Variants in AOX1 observed in about 807,000 individuals in gnomAD.
The protein encoded by AOX1 is aldehyde oxidase 1.
In AOX1, 153 loss-of-function variants were observed where a neutral mutation model predicts 169.5. That is an observed-to-expected ratio of 0.90 (90% confidence interval 0.79 to 1.03). The LOEUF (loss-of-function observed/expected upper bound fraction) is 1.03, where lower values mean the gene tolerates loss of function less well. AOX1 is among the 50% of genes least tolerant of loss of function. The pLI is 0.00. For synonymous variants in AOX1, 562 were observed against 581.9 expected (o/e 0.97, Z 0.49); for missense variants, 1,656 against 1,663.9 (o/e 1.00, Z 0.08).
intron 21 of AOX1, 101 bp downstream of exon 21, chr2:200,635,016 G>T: frequency 6.8e-7 from 1 of 1,462,694 alleles, no homozygotes; most frequent in Admixed American, 2.0e-5. Flanking sequence ...GGAATTTGAG[G>T]TGGGGGGATT....
chr2:200,586,356 T>C (rs2034030725), intron 1 of AOX1, among the ~76,000 whole-genome samples: 1 of 152,232 alleles, frequency 6.6e-6, no homozygotes, highest in South Asian at 2.1e-4. Context: ...TCAGGGACTG[T>C]CCTGGATCTT....
chr2:200,620,849 A>G (rs4672865), intron 17 of AOX1, 30 bp downstream of exon 17: 499,022 of 1,575,796 alleles, frequency 0.32, 81,115 homozygotes, highest in East Asian at 0.38. Flanking sequence ...CTCAATGGGC[A>G]TAAATGATTG....
chr2:200,627,489 C>G lies in AOX1; in HGVS notation c.2221+40C>G, dbSNP rs758160933. On this transcript the variant is annotated intron_variant, in intron 20 of 34. Transcript: ENST00000374700. The stretch of plus-strand genomic sequence containing the variant: ...AAGAGTAAACAACCCTGGAAGTCTT[C>G]TAAGCATGTCAGTTTAAGGCTTCCT... 3 of 1,420,484 alleles carry G rather than the reference C, an allele frequency of 2.1e-6. No individual in the cohort carries two copies. The South Asian group carries it at 3.5e-5, about 17-fold the overall frequency. The allele number at this position is 1,420,484 out of a possible 1,614,324, so 88.0% of individuals were successfully genotyped here.
intron 15 of AOX1, among the ~76,000 whole-genome samples, chr2:200,615,577 C>A (rs1203992201): frequency 6.6e-6 from 1 of 152,154 alleles, no homozygotes; most frequent in Non-Finnish European, 1.5e-5. Context: ...CAATGGTGTA[C>A]TTTGACTCTG....
rs1559259249 is a variant in AOX1, at chr2:200,659,146, A to G, written c.3172-19A>G. 1 of 1,611,900 alleles carries G rather than the reference A, an allele frequency of 6.2e-7. No individual in the cohort carries two copies. Among genetic ancestry groups the G allele is most frequent in the Admixed American group, 1.7e-5 (1 of 59,836 alleles). ...GACTAATCAAAGTGTTTAAAAGGAA[A>G]CTCTCTCTTAAAATTCAGGTGGTCA... On this transcript the variant is annotated intron_variant, in intron 27 of 34. Coordinates refer to ENST00000374700, the MANE Select transcript of AOX1 (RefSeq NM_001159.4).
intron 18 of AOX1, 34 bp from the exon 19 acceptor site, chr2:200,623,827 C>G (rs766876392): frequency 2.5e-6 from 4 of 1,612,256 alleles, no homozygotes; most frequent in Non-Finnish European, 3.4e-6. Context: ...TGATGCCTGC[C>G]CTCCTTGACA....
At chr2:200,657,190 A>ATATATATTTTTTTTTT in intron 27 of AOX1, among the ~76,000 whole-genome samples, 63 of 62,834 alleles carry the variant, frequency 1.0e-3, no homozygotes, top group African/African-American at 4.6e-3. Flanking sequence ...ATATATATAT[A>ATATATATTTTTTTTTT]TTTTTTTTTT....
chr2:200,603,236 A>C (rs2034450510), intron 6 of AOX1, 31 bp from the exon 7 acceptor site: 2 of 1,569,654 alleles, frequency 1.3e-6, no homozygotes, highest in South Asian at 2.2e-5. Context: ...ATCAGCAATA[A>C]ATTCCTAGTG....
rs187382776 is a variant in AOX1 at position 200,634,932 on chromosome 2, G to A, written c.2346+17G>A. On this transcript the variant is annotated intron_variant, in intron 21 of 34. Transcript: ENST00000374700. ...TATATACAGGTAACATGGGGCCATT[G>A]TGGAGAGGACATGGCTAAATGATTT... 6.7e-4 allele frequency: 1,074 copies of A among 1,613,426 alleles called. 3 individuals are homozygous for A. Among genetic ancestry groups the A allele is most frequent in the East Asian group, 3.7e-3 (167 of 44,862 alleles).
chr2:200,605,528 T>C lies in AOX1; in HGVS notation c.815-8T>C. 2 of 1,450,952 alleles carry C rather than the reference T, an allele frequency of 1.4e-6. No individual in the cohort carries two copies. The highest frequency in any genetic ancestry group is 2.4e-5 in the East Asian group (1 of 41,472). The allele number at this position is 1,450,952 out of a possible 1,614,324, so 89.9% of individuals were successfully genotyped here. ...CTTATTGATTTTTTTTTTTTTTTGA[T>C]CCTTTAGGGCCTGAAGTGAAATTTA... On this transcript the variant is annotated splice_polypyrimidine_tract_variant and splice_region_variant and intron_variant, in intron 9 of 34. Transcript: ENST00000374700.
chr2:200,662,772 A>G (rs2035852473), intron 30 of AOX1, 83 bp from the exon 31 acceptor site: 2 of 1,070,496 alleles, frequency 1.9e-6, no homozygotes, highest in Non-Finnish European at 2.9e-6. Context: ...TGTGGCTTGC[A>G]TAAATCCTCA....
rs1452602826 is a variant in AOX1 at position 200,656,895 on chromosome 2, T to C, written c.3129T>C (p.Gly1043=). The C allele has an allele frequency of 2.5e-6, 4 of 1,587,060 alleles. No individual in the cohort carries two copies. The highest frequency in any genetic ancestry group is 3.4e-6 in the Non-Finnish European group (4 of 1,166,148). Residue 1043 remains glycine (G), a synonymous_variant, in exon 27 of 35, where the codon GGT becomes GGC. Transcript: ENST00000374700. ...ATGGCTCTGTGCTGGTCACTCACGG[T>C]GGAATTGAAATGGGGCAGGGGGTCC... is the stretch of plus-strand genomic sequence containing the variant. The part of the protein sequence containing the change: ...YLDGSVLVTH[G]GIEMGQGVHT...
At position 200,593,255 on chromosome 2, in the gene AOX1, C is replaced by T. The variant is rs746763518; in HGVS notation, c.103+52C>T. 16 of 1,333,930 alleles carry T rather than the reference C, an allele frequency of 1.2e-5. No homozygotes were observed. The South Asian group carries it at 1.9e-4, about 16-fold the overall frequency. 82.6% of individuals were successfully genotyped at this position (1,333,930 alleles called of 1,614,324 possible). A position where few individuals can be genotyped will look rare whatever the true frequency, so the allele number is the denominator to read the frequency against. ...TATGTGTGTGTGTATTTGTATAACT[C>T]CAATATCCTCATTAAATGATATTTC... On this transcript the variant is annotated intron_variant, in intron 2 of 34. Transcript: ENST00000374700.
rs2105698773 is a variant in AOX1, at chr2:200,604,049, T to C, written c.621T>C (p.Phe207=). Residue 207 remains phenylalanine (F), a synonymous_variant, in exon 8 of 35, where the codon TTT becomes TTC. Coordinates refer to ENST00000374700, the MANE Select transcript of AOX1 (RefSeq NM_001159.4). Reference sequence around the variant, plus strand: ...CAAAACTCTTCGCAGAAGAGGAGTTTCTGCCATTGGATCCAACCCAGGAAC... The same window carrying C: ...CAAAACTCTTCGCAGAAGAGGAGTTCCTGCCATTGGATCCAACCCAGGAAC... ...TSPKLFAEEE[F]LPLDPTQELI... 6.2e-7 allele frequency: 1 copy of C among 1,613,722 alleles called. No individual in the cohort carries two copies. Among genetic ancestry groups the C allele is most frequent in the Non-Finnish European group, 8.5e-7 (1 of 1,179,606 alleles).
intron 25 of AOX1, 48 bp downstream of exon 25, chr2:200,642,849 CG>C (rs2035380601): frequency 1.3e-6 from 2 of 1,557,924 alleles, no homozygotes; most frequent in Non-Finnish European, 1.7e-6. Context: ...ATGTCAGAGA[CG>C]GTAGGGCCTT....
chr2:200,652,501 G>C (rs1005483297), intron 26 of AOX1, among the ~76,000 whole-genome samples: 12 of 152,330 alleles, frequency 7.9e-5, no homozygotes, highest in African/African-American at 2.9e-4. Flanking sequence ...TGTAAGCATT[G>C]AGTCTTGGTA....
chr2:200,601,241 A>G (rs2034408295), intron 5 of AOX1, among the ~76,000 whole-genome samples: 1 of 152,206 alleles, frequency 6.6e-6, no homozygotes, highest in South Asian at 2.1e-4. Context: ...GCCCACTTAT[A>G]TGAGGAATCT....
At chr2:200,605,511 T>TG in intron 9 of AOX1, 25 bp from the exon 10 acceptor site, 1 of 37,050 alleles carries the variant, frequency 2.7e-5, no homozygotes, top group East Asian at 3.7e-3. Context: ...GTCTTATTGA[T>TG]TTTTTTTTTT....
chr2:200,674,430 T>TG (rs369555888), downstream of AOX1, among the ~76,000 whole-genome samples: 534 of 133,816 alleles, frequency 4.0e-3, 1 homozygote, highest in Middle Eastern at 0.019. Flanking sequence ...AGGGCCTGGG[T>TG]GGGGGGGGTG....
Sources: allele counts gnomAD v4.1 joint callset (sites outside exome capture counted in the v4.1 genomes callset), GRCh38; gene constraint gnomAD v4.1.1; transcripts MANE v1.5; gene names NCBI Gene and HGNC (gene_info 2026-07-23, HGNC 2026-07-21).